The following ROBO2 variants were observed in gnomAD, a reference collection of about 807,000 sequenced individuals.
ROBO2 encodes the protein roundabout homolog 2.
Under a neutral mutation model 160.8 loss-of-function variants are expected in ROBO2, and 53 were observed. The observed-to-expected ratio is 0.33, with a 90% CI of 0.26 to 0.41. The LOEUF (loss-of-function observed/expected upper bound fraction) is 0.41. ROBO2 is among the 10% of genes least tolerant of loss of function. ROBO2 has a pLI of 1.00. For missense variants in ROBO2, 1,577 were observed against 1,722.4 expected (o/e 0.92, Z 1.49); for synonymous variants, 664 against 611.7 (o/e 1.09, Z -1.26).
At chr3:76,396,330 A>G (rs1239029894) in intron 2 of ROBO2, among the ~76,000 whole-genome samples, 1 of 152,160 alleles carries the variant, frequency 6.6e-6, no homozygotes, top group Admixed American at 6.6e-5. Context: ...TCTCAAAATA[A>G]TAAGAGCTAT....
At position 76,070,664 on chromosome 3, in the gene ROBO2, T is replaced by C. The variant is rs150646223; in HGVS notation, c.109+133062T>C. Among the ~76,000 whole-genome samples the C allele has an allele frequency of 6.3e-3, 966 of 152,284 alleles. 19 individuals are homozygous for C. Among genetic ancestry groups the C allele is most frequent in the African/African-American group, 0.022 (906 of 41,554 alleles). ...CACTCCCTCCCCTTTTGAAAATCTCTAATAAAAACTTGCTGGTTTTTGTGG... is the reference window on the plus strand; with the variant it reads ...CACTCCCTCCCCTTTTGAAAATCTCCAATAAAAACTTGCTGGTTTTTGTGG... On this transcript the variant is annotated intron_variant, in intron 2 of 26. Transcript: ENST00000487694.
At chr3:77,566,756 A>G (rs2093494097) in intron 12 of ROBO2, among the ~76,000 whole-genome samples, 1 of 152,042 alleles carries the variant, frequency 6.6e-6, no homozygotes. Context: ...ATATAGAGTG[A>G]AAGACTTCTG....
intron 2 of ROBO2, among the ~76,000 whole-genome samples, chr3:76,811,773 CCCTCCTTCCTT>C (rs1560605616): frequency 7.4e-5 from 11 of 148,152 alleles, no homozygotes; most frequent in African/African-American, 2.2e-4. Flanking sequence ...TTCTCTCTTT[CCCTCCTTCCTT>C]CCTTCCTTCC....
intron 2 of ROBO2, among the ~76,000 whole-genome samples, chr3:75,943,441 T>TTGG (rs1948142430): frequency 6.6e-6 from 1 of 152,170 alleles, no homozygotes; most frequent in Admixed American, 6.5e-5. Context: ...TTGAACATAT[T>TTGG]TGAAGACTGT....
chr3:76,167,881 T>G (rs1057100379), intron 2 of ROBO2, among the ~76,000 whole-genome samples: 9 of 152,178 alleles, frequency 5.9e-5, no homozygotes, highest in African/African-American at 2.2e-4. Flanking sequence ...TACCTAGAAT[T>G]GCTACTCTGC....
At chr3:76,183,635 G>C (rs1329693926) in intron 2 of ROBO2, among the ~76,000 whole-genome samples, 1 of 152,040 alleles carries the variant, frequency 6.6e-6, no homozygotes, top group Non-Finnish European at 1.5e-5. Flanking sequence ...TAGAGAGACA[G>C]AGAACCTAAA....
intron 2 of ROBO2, among the ~76,000 whole-genome samples, chr3:76,071,937 T>A (rs999841376): frequency 1.3e-5 from 2 of 152,146 alleles, no homozygotes; most frequent in African/African-American, 4.8e-5. Context: ...CAGTAAAAAC[T>A]GTTTTGTGGA....
chr3:76,092,705 A>G (rs2069283761), intron 2 of ROBO2, among the ~76,000 whole-genome samples: 1 of 152,132 alleles, frequency 6.6e-6, no homozygotes. Flanking sequence ...ACTTTGTAAA[A>G]TTTTATCTTA....
At chr3:76,525,265 T>C (rs1424236149) in intron 2 of ROBO2, among the ~76,000 whole-genome samples, 5 of 151,908 alleles carry the variant, frequency 3.3e-5, no homozygotes, top group Admixed American at 2.6e-4. Context: ...GAAATAAATA[T>C]TGAAAAATTG....
chr3:77,297,380 T>C (rs1448673398), intron 2 of ROBO2, among the ~76,000 whole-genome samples: 1 of 152,156 alleles, frequency 6.6e-6, no homozygotes, highest in Non-Finnish European at 1.5e-5. Context: ...TTTGGGCATA[T>C]TGATCTTAGA....
At chr3:76,047,396 CTCTG>C (rs774937756) in intron 2 of ROBO2, among the ~76,000 whole-genome samples, 15 of 152,206 alleles carry the variant, frequency 9.9e-5, no homozygotes, top group South Asian at 2.1e-4. Flanking sequence ...CTCCATTTCT[CTCTG>C]TCTGTCTTGT....
rs528078522 is a variant in ROBO2, at chr3:77,297,783, GACAA to G, written c.389-179625_389-179622del. On this transcript the variant is annotated intron_variant, in intron 2 of 25. Transcript: ENST00000461745. Reference sequence around the variant, plus strand: ...TTTACATTTAACGGAAGAAGAAATTGACAAACAAAGGAAGTAAAGGAAGTTTATG... The same window carrying G: ...TTTACATTTAACGGAAGAAGAAATTGACAAAGGAAGTAAAGGAAGTTTATG... Among the ~76,000 whole-genome samples the G allele has an allele frequency of 1.7e-4, 26 of 152,254 alleles. No individual in the cohort carries two copies. In the South Asian group the frequency reaches 2.5e-3, roughly 15 times the overall value.
chr3:77,328,756 A>G lies in ROBO2; in HGVS notation c.389-148658A>G, dbSNP rs529587035. Among the ~76,000 whole-genome samples, 5 of 152,354 alleles carry G rather than the reference A, an allele frequency of 3.3e-5. No homozygotes were observed. The South Asian group carries it at 1.0e-3, about 32-fold the overall frequency. On this transcript the variant is annotated intron_variant, in intron 2 of 25. Transcript: ENST00000461745. Reference sequence around the variant, plus strand: ...AATAAAAATAAAAAAAGGAAGTGGCATAAAAATAGCATGTAAAGTGTTATT... The same window carrying G: ...AATAAAAATAAAAAAAGGAAGTGGCGTAAAAATAGCATGTAAAGTGTTATT...
At chr3:77,305,517 G>A (rs1264550901) in intron 2 of ROBO2, among the ~76,000 whole-genome samples, 1 of 152,198 alleles carries the variant, frequency 6.6e-6, no homozygotes, top group Non-Finnish European at 1.5e-5. Context: ...ACAGTCTATG[G>A]TGTTGAGATA....
At chr3:76,875,041 G>A (rs2072554500) in intron 2 of ROBO2, among the ~76,000 whole-genome samples, 1 of 152,158 alleles carries the variant, frequency 6.6e-6, no homozygotes, top group Non-Finnish European at 1.5e-5. Flanking sequence ...CAAAAGAGGT[G>A]GGGCCTGAAG....
chr3:77,381,176 G>T (rs562824647), intron 2 of ROBO2, among the ~76,000 whole-genome samples: 2 of 152,244 alleles, frequency 1.3e-5, no homozygotes, highest in South Asian at 4.1e-4. Flanking sequence ...TTAGCTGGAC[G>T]TGGTGGCACC....
chr3:76,696,450 C>T (rs2092929878), intron 2 of ROBO2, among the ~76,000 whole-genome samples: 1 of 151,670 alleles, frequency 6.6e-6, no homozygotes, highest in Non-Finnish European at 1.5e-5. Context: ...GGAGGGGACC[C>T]AAAGGGGGTT....
chr3:76,494,567 T>C (rs962283632), intron 2 of ROBO2, among the ~76,000 whole-genome samples: 3 of 152,122 alleles, frequency 2.0e-5, no homozygotes, highest in Non-Finnish European at 2.9e-5. Flanking sequence ...TTCTTTTCAT[T>C]GTGGTATAGG....
At chr3:77,584,466 C>A (rs982799194) in intron 16 of ROBO2, among the ~76,000 whole-genome samples, 1 of 152,114 alleles carries the variant, frequency 6.6e-6, no homozygotes, top group African/African-American at 2.4e-5. Context: ...ATAAGCCGTT[C>A]TCATTTTTTT....
Sources: gnomAD v4.1 joint callset for allele counts (sites outside exome capture counted in the v4.1 genomes callset) on GRCh38, gnomAD v4.1.1 for gene constraint, MANE v1.5 for transcripts, NCBI Gene and HGNC (gene_info 2026-07-23, HGNC 2026-07-21) for gene names.